Variants in AIDA observed in about 807,000 individuals in gnomAD.
AIDA encodes axin interactor, dorsalization-associated protein.
AIDA carries 18 observed loss-of-function variants against 42.7 expected under a neutral mutation model. The ratio of observed to expected loss-of-function variants is 0.42; its 90% CI spans 0.29 to 0.63. The LOEUF (loss-of-function observed/expected upper bound fraction) is 0.63. AIDA is among the 20% of genes least tolerant of loss of function. The pLI, the probability that AIDA is intolerant of heterozygous loss-of-function variation, is 0.19. For missense variants in AIDA, 250 were observed against 354.1 expected, an observed-to-expected ratio of 0.71 and a Z score of 2.36; for synonymous variants, 104 against 122.9, an observed-to-expected ratio of 0.85 and a Z score of 1.02.
At chr1:222,701,012 G>C (rs1326085089) in intron 2 of AIDA, among the ~76,000 whole-genome samples, 1 of 149,118 alleles carries the variant, frequency 6.7e-6, no homozygotes, top group Admixed American at 6.7e-5. Flanking sequence ...GCCCAGGCTG[G>C]AGTGCAGTGG....
intron 5 of AIDA, 80 bp downstream of exon 5, chr1:222,687,515 T>A: frequency 1.6e-6 from 2 of 1,220,322 alleles, no homozygotes; most frequent in Non-Finnish European, 2.3e-6. Flanking sequence ...ATACCAAAGT[T>A]GATATTTAAG....
intron 4 of AIDA, among the ~76,000 whole-genome samples, chr1:222,690,563 T>C (rs1401959514): frequency 1.3e-5 from 2 of 152,182 alleles, no homozygotes; most frequent in Non-Finnish European, 2.9e-5. Context: ...AGAGCTAAAA[T>C]GGGTGTGGCA....
At chr1:222,671,458 T>C (rs1010694598) in intron 8 of AIDA, among the ~76,000 whole-genome samples, 3 of 152,166 alleles carry the variant, frequency 2.0e-5, no homozygotes, top group Non-Finnish European at 4.4e-5. Context: ...GTCCAGGAGC[T>C]TGGCTTGCAA....
At chr1:222,705,797 T>C (rs1172805699) in intron 1 of AIDA, among the ~76,000 whole-genome samples, 2 of 151,944 alleles carry the variant, frequency 1.3e-5, no homozygotes, top group African/African-American at 4.8e-5. Flanking sequence ...GGCAGGAGAA[T>C]CGCTTGAACC....
At chr1:222,676,478 A>G (rs991765858) in intron 6 of AIDA, among the ~76,000 whole-genome samples, 1 of 152,218 alleles carries the variant, frequency 6.6e-6, no homozygotes, top group Non-Finnish European at 1.5e-5. Flanking sequence ...TCACTCCAGG[A>G]AGCCCAATTA....
In AIDA at chr1:222,689,510, TATATATATATAC is replaced by T. The variant is rs1358512378; in HGVS notation, c.290-1864_290-1853del. ...ATATATATATATATATATATATATA[TATATATATATAC>T]ACACATACACACACACACATATATA... On this transcript the variant is annotated intron_variant, in intron 4 of 9. Transcript: ENST00000340020. 1.7e-3 allele frequency among the ~76,000 whole-genome samples: 115 copies of T among 67,840 alleles called. 3 individuals are homozygous for T. Among genetic ancestry groups the T allele is most frequent in the African/African-American group, 4.5e-3 (83 of 18,508 alleles). 44.5% of individuals were successfully genotyped at this position (67,840 alleles called of 152,430 possible). A position where few individuals can be genotyped will look rare whatever the true frequency, so the allele number is the denominator to read the frequency against.
intron 1 of AIDA, among the ~76,000 whole-genome samples, chr1:222,705,360 C>T (rs1159849267): frequency 1.3e-5 from 2 of 152,134 alleles, no homozygotes; most frequent in Non-Finnish European, 2.9e-5. Context: ...ATGGAGTACT[C>T]CCGAGTAATC....
At position 222,668,735 on chromosome 1, in the gene AIDA, G is replaced by GC. The variant is rs1416023057; in HGVS notation, c.*1157_*1158insG. On this transcript the variant is annotated 3_prime_UTR_variant, in exon 10 of 10. Coordinates refer to ENST00000340020, the MANE Select transcript of AIDA (RefSeq NM_022831.4). ...AAAATAGTGAATATTAAAATATGTG[G>GC]GCTTTACATCTAACCCACAGAAAGC... 7.5e-6 allele frequency: 1 copy of GC among 132,568 alleles called. No homozygotes were observed. The highest frequency in any genetic ancestry group is 1.6e-5 in the Non-Finnish European group (1 of 62,852). 8.2% of individuals were successfully genotyped at this position (132,568 alleles called of 1,614,324 possible).
Position 222,712,301 on chromosome 1 carries a change from C to T in AIDA, c.17G>A (p.Arg6Gln), listed in dbSNP as rs1300133346. Residue 6 changes from arginine to glutamine, a missense_variant, in exon 1 of 10, where the codon CGG (arginine) becomes CAG (glutamine). Around this residue, in one of 4 missense-constraint regions of AIDA, gnomAD observed 14 missense variants for 20.1 expected, o/e 0.70. Coordinates refer to ENST00000340020, the MANE Select transcript of AIDA (RefSeq NM_022831.4). ...GGCGCCCCAGCGCTGCAGCAGACTCCGGGTCACCTCCGACATGGCCGGTCC... is the reference window on the plus strand; with the variant it reads ...GGCGCCCCAGCGCTGCAGCAGACTCTGGGTCACCTCCGACATGGCCGGTCC... Reference protein sequence around the residue: MSEVTRSLLQRWGASF... With the variant: MSEVTQSLLQRWGASF... 1.9e-6 allele frequency: 3 copies of T among 1,568,608 alleles called. No homozygotes were observed. The highest frequency in any genetic ancestry group is 2.7e-5 in the African/African-American group (2 of 73,416).
At position 222,687,624 on chromosome 1, in the gene AIDA, G is replaced by A. The variant is rs1655236655; in HGVS notation, c.324C>T (p.Phe108=). ...LKNILTYNKE[F]PFDVQPVPLR... ...ATGGGACAGGCTGAACATCAAATGG[G>A]AATTCTTTATTATATGTAAGAATAT... The change falls in exon 5 of 10, where the codon TTC becomes TTT. Residue 108 remains phenylalanine (F), a synonymous_variant. Coordinates refer to ENST00000340020, the MANE Select transcript of AIDA (RefSeq NM_022831.4). 6.7e-7 allele frequency: 1 copy of A among 1,495,140 alleles called. No homozygotes were observed. Among genetic ancestry groups the A allele is most frequent in the Admixed American group, 2.0e-5 (1 of 49,186 alleles). 92.6% of individuals were successfully genotyped at this position (1,495,140 alleles called of 1,614,324 possible).
intron 1 of AIDA, among the ~76,000 whole-genome samples, chr1:222,706,024 T>C (rs1655830030): frequency 6.6e-6 from 1 of 151,992 alleles, no homozygotes; most frequent in Admixed American, 6.6e-5. Context: ...GTAAAAGATT[T>C]GAAAAGATAG....
chr1:222,670,133 A>G lies in AIDA; in HGVS notation c.824T>C (p.Leu275Pro). The G allele has an allele frequency of 6.2e-7, 1 of 1,613,540 alleles. No homozygotes were observed. The highest frequency in any genetic ancestry group is 8.5e-7 in the Non-Finnish European group (1 of 1,179,516). ...CTAATTCTATATGCACATCACTTACAGTTCTATTACAATTGGCCCAGGTTT... is the reference window on the plus strand; with the variant it reads ...CTAATTCTATATGCACATCACTTACGGTTCTATTACAATTGGCCCAGGTTT... ...EIKPGPIVIE[L>P]YKKPTDFKRK... The change falls in exon 9 of 10, where the codon CTA becomes CCA. Residue 275 changes from leucine to proline, a missense_variant and splice_region_variant. By Grantham distance (98) the Leu-to-Pro change is moderately conservative. Around this residue, in one of 4 missense-constraint regions of AIDA, gnomAD observed 35 missense variants for 75.9 expected, o/e 0.46. Transcript: ENST00000340020.
chr1:222,672,796 G>A (rs1420870420), intron 8 of AIDA, among the ~76,000 whole-genome samples: 1 of 152,156 alleles, frequency 6.6e-6, no homozygotes, highest in Non-Finnish European at 1.5e-5. Context: ...CCTTTTTGGA[G>A]AACACTCAAA....
At chr1:222,695,852 A>G (rs754647631) in intron 2 of AIDA, among the ~76,000 whole-genome samples, 42 of 152,236 alleles carry the variant, frequency 2.8e-4, no homozygotes, top group Non-Finnish European at 5.1e-4. Flanking sequence ...ATAACTTGCA[A>G]AAGTTTAGTA....
intron 6 of AIDA, among the ~76,000 whole-genome samples, chr1:222,684,427 A>T (rs3008637): frequency 0.19 from 29,245 of 152,126 alleles, 3,103 homozygotes; most frequent in Admixed American, 0.32. Flanking sequence ...AATTTCACAT[A>T]TGTAAATATC....
intron 2 of AIDA, among the ~76,000 whole-genome samples, chr1:222,697,894 C>G (rs1047358582): frequency 1.2e-4 from 19 of 152,044 alleles, no homozygotes; most frequent in African/African-American, 4.1e-4. Flanking sequence ...GAAAGGAGAG[C>G]ATTATAAAAT....
At chr1:222,679,183 G>C (rs1159681351) in intron 6 of AIDA, among the ~76,000 whole-genome samples, 1 of 151,814 alleles carries the variant, frequency 6.6e-6, no homozygotes, top group Non-Finnish European at 1.5e-5. Context: ...ACCATTCCAG[G>C]GTTAGATGAA....
intron 2 of AIDA, among the ~76,000 whole-genome samples, chr1:222,700,320 A>G (rs1239765073): frequency 1.3e-5 from 2 of 152,330 alleles, no homozygotes; most frequent in African/African-American, 2.4e-5. Context: ...TCTGAAGATC[A>G]TTTAGAGTTT....
chr1:222,703,008 C>G (rs571863003), intron 2 of AIDA, 140 bp downstream of exon 2: 1 of 603,122 alleles, frequency 1.7e-6, no homozygotes, highest in East Asian at 3.0e-5. Context: ...TTAGGCAAAG[C>G]ATAATCAATA....
Sources: gnomAD v4.1 joint callset for allele counts (sites outside exome capture counted in the v4.1 genomes callset) on GRCh38, gnomAD v4.1.1 for gene constraint, gnomAD v4.1.1 regional missense constraint, MANE v1.5 for transcripts, NCBI Gene and HGNC (gene_info 2026-07-23, HGNC 2026-07-21) for gene names.